Variants in DST observed in about 807,000 individuals in gnomAD.
DST encodes the protein dystonin.
DST carries 253 observed loss-of-function variants against 875.2 expected under a neutral mutation model. The observed-to-expected ratio is 0.29, with a 90% confidence interval of 0.26 to 0.32. The LOEUF (loss-of-function observed/expected upper bound fraction) is 0.32, where lower values mean the gene tolerates loss of function less well. DST is among the 10% of genes least tolerant of loss of function. The pLI is 1.00. For synonymous variants in DST, 3,124 were observed against 3,197.1 expected, an observed-to-expected ratio of 0.98 and a Z score of 0.77; for missense variants, 8,287 against 9,111.6, an observed-to-expected ratio of 0.91 and a Z score of 3.68.
intron 4 of DST, among the ~76,000 whole-genome samples, chr6:56,754,398 T>C (rs2099596576): frequency 6.6e-6 from 1 of 152,232 alleles, no homozygotes. Context: ...CTAAGTTCTA[T>C]GTTCTTAATT....
chr6:56,691,631 GA>G (rs2099230514), intron 9 of DST, among the ~76,000 whole-genome samples: 1 of 152,038 alleles, frequency 6.6e-6, no homozygotes. Context: ...TACATTTTTT[GA>G]GCAATTAAAT....
intron 36 of DST, chr6:56,615,761 T>G (rs1406650087): frequency 2.5e-6 from 4 of 1,614,038 alleles, no homozygotes. Context: ...AGAGTGAACC[T>G]GTGGCTCTAT....
intron 53 of DST, among the ~76,000 whole-genome samples, chr6:56,570,293 T>A (rs1304635717): frequency 6.6e-6 from 1 of 152,194 alleles, no homozygotes; most frequent in Non-Finnish European, 1.5e-5. Context: ...GTGTGCTTTA[T>A]TTCTATTATA....
In DST at chr6:56,557,250, T is replaced by C. The variant is rs151178754; in HGVS notation, c.14640+69A>G. ...CTACTGACCAAAGTTAATATATTTA[T>C]AATGAAAACATTGGTCTCAGTAAGT... On this transcript the variant is annotated intron_variant, in intron 59 of 103. Coordinates refer to ENST00000680361, the MANE Select transcript of DST (RefSeq NM_001374736.1). 230 of 1,410,894 alleles carry C rather than the reference T, an allele frequency of 1.6e-4. 1 individual carries two copies. Among genetic ancestry groups the C allele is most frequent in the Non-Finnish European group, 2.1e-4 (219 of 1,020,860 alleles). 87.4% of individuals were successfully genotyped at this position (1,410,894 alleles called of 1,614,324 possible).
chr6:56,792,282 T>C (rs2099727144), intron 4 of DST, among the ~76,000 whole-genome samples: 1 of 152,078 alleles, frequency 6.6e-6, no homozygotes. Context: ...ATGATCACCA[T>C]TTTTACAATT....
rs769017259 is a variant in DST at position 56,603,550 on chromosome 6, T to G, written c.10941+14A>C. Reference sequence around the variant, plus strand: ...CTGACTACCATCCATAAAGAGGCAGTAGACAATTCTTACCTCCAACTGTCT... The same window carrying G: ...CTGACTACCATCCATAAAGAGGCAGGAGACAATTCTTACCTCCAACTGTCT... On this transcript the variant is annotated intron_variant, in intron 41 of 103. Coordinates refer to ENST00000680361, the MANE Select transcript of DST (RefSeq NM_001374736.1). 1.2e-6 allele frequency: 2 copies of G among 1,601,216 alleles called. No individual in the cohort carries two copies. Among genetic ancestry groups the G allele is most frequent in the Admixed American group, 1.7e-5 (1 of 58,136 alleles).
chr6:56,504,695 C>T (rs1285635531), intron 77 of DST, among the ~76,000 whole-genome samples: 2 of 151,858 alleles, frequency 1.3e-5, no homozygotes, highest in South Asian at 2.1e-4. Context: ...TTTTTAGGTA[C>T]TGAATACAAA....
At position 56,574,728 on chromosome 6, in the gene DST, A is replaced by G. The variant is rs77616907; in HGVS notation, c.13028-841T>C. On this transcript the variant is annotated intron_variant, in intron 50 of 103. Transcript: ENST00000680361. The stretch of plus-strand genomic sequence containing the variant: ...ATCCTACATTCTATATTGTAGACCA[A>G]TGAAAAGTTTGAACAATGGTTTTTA... Among the ~76,000 whole-genome samples the G allele has an allele frequency of 4.3e-4, 65 of 152,216 alleles. No homozygotes were observed. In the East Asian group the frequency reaches 5.2e-3, roughly 12 times the overall value.
At chr6:56,711,959 C>G (rs545753926) in intron 5 of DST, among the ~76,000 whole-genome samples, 1 of 150,254 alleles carries the variant, frequency 6.7e-6, no homozygotes, top group Non-Finnish European at 1.5e-5. Flanking sequence ...GGCGTAGTGG[C>G]GGGCGCCTGT....
At chr6:56,777,043 A>G (rs1304488421) in intron 4 of DST, among the ~76,000 whole-genome samples, 2 of 152,170 alleles carry the variant, frequency 1.3e-5, no homozygotes, top group Non-Finnish European at 2.9e-5. Flanking sequence ...TGTTTTATAA[A>G]TTGGCTAGAA....
chr6:56,762,268 C>T (rs956520505), intron 4 of DST, among the ~76,000 whole-genome samples: 4 of 152,268 alleles, frequency 2.6e-5, no homozygotes, highest in Middle Eastern at 3.4e-3. Context: ...GTGATCCACC[C>T]GCCTTGGCCT....
intron 56 of DST, among the ~76,000 whole-genome samples, chr6:56,561,809 A>G (rs1054350029): frequency 6.6e-6 from 1 of 152,174 alleles, no homozygotes; most frequent in African/African-American, 2.4e-5. Context: ...AAACCACAAA[A>G]TGTTACTTAG....
At position 56,506,659 on chromosome 6, in the gene DST, A is replaced by C. The variant is rs756810038; in HGVS notation, c.19362+8T>G. ...TAAAAGCCATTCTGATAAGTAAGCC[A>C]GTTGTACCTCATCTATACTCTTCTT... is the stretch of plus-strand genomic sequence containing the variant. On this transcript the variant is annotated splice_region_variant and intron_variant, in intron 76 of 103. Coordinates refer to ENST00000680361, the MANE Select transcript of DST (RefSeq NM_001374736.1). 27 of 1,613,340 alleles carry C rather than the reference A, an allele frequency of 1.7e-5. No homozygotes were observed. The highest frequency in any genetic ancestry group is 2.2e-5 in the Non-Finnish European group (26 of 1,179,636).
intron 3 of DST, among the ~76,000 whole-genome samples, chr6:56,879,586 T>G (rs1319045019): frequency 1.3e-5 from 2 of 152,258 alleles, no homozygotes; most frequent in Non-Finnish European, 2.9e-5. Context: ...TATACCTTTC[T>G]TACAGAATTT....
At chr6:56,781,913 T>C (rs2099694915) in intron 4 of DST, among the ~76,000 whole-genome samples, 1 of 152,338 alleles carries the variant, frequency 6.6e-6, no homozygotes, top group East Asian at 1.9e-4. Flanking sequence ...ACCTAATTTA[T>C]TGACAGTTTT....
intron 5 of DST, among the ~76,000 whole-genome samples, chr6:56,708,058 C>T (rs1446991105): frequency 6.6e-6 from 1 of 152,122 alleles, no homozygotes; most frequent in Non-Finnish European, 1.5e-5. Context: ...GATCATGCCA[C>T]TGCACTCCAG....
chr6:56,524,289 G>T (rs2096757753), intron 69 of DST, among the ~76,000 whole-genome samples: 1 of 152,056 alleles, frequency 6.6e-6, no homozygotes, highest in South Asian at 2.1e-4. Context: ...TCCCTACACG[G>T]TAATGTTTTA....
chr6:56,778,818 G>A (rs1290111926), intron 4 of DST, among the ~76,000 whole-genome samples: 6 of 151,892 alleles, frequency 4.0e-5, no homozygotes, highest in South Asian at 2.1e-4. Context: ...AGTCTTTGCT[G>A]TTGTGAGTAG....
rs1041192952 is a variant in DST, at chr6:56,931,916, G to C, written c.216+21869C>G. 2.6e-5 allele frequency among the ~76,000 whole-genome samples: 4 copies of C among 152,272 alleles called. No individual in the cohort carries two copies. The East Asian group carries it at 5.8e-4, about 22-fold the overall frequency. On this transcript the variant is annotated intron_variant, in intron 2 of 103. Coordinates refer to ENST00000680361, the MANE Select transcript of DST (RefSeq NM_001374736.1). ...TTTGCCTTGTCTCAGATGAGACTTT[G>C]GACTTTCGGGTTAATGCTGAAATGA...
Sources: allele counts gnomAD v4.1 joint callset (sites outside exome capture counted in the v4.1 genomes callset), GRCh38; gene constraint gnomAD v4.1.1; transcripts MANE v1.5; gene names NCBI Gene and HGNC (gene_info 2026-07-23, HGNC 2026-07-21).